The following ZC3H18 variants were observed in gnomAD, a reference collection of about 807,000 sequenced individuals.
The protein encoded by ZC3H18 is zinc finger CCCH domain-containing protein 18.
Under a neutral mutation model 106.1 loss-of-function variants are expected in ZC3H18, and 8 were observed. The ratio of observed to expected loss-of-function variants is 0.08; its 90% CI spans 0.04 to 0.14. The LOEUF (loss-of-function observed/expected upper bound fraction) is 0.14. Ranked by LOEUF, ZC3H18 falls within the 10% of genes least tolerant of loss-of-function variation. The pLI, the probability that ZC3H18 is intolerant of heterozygous loss-of-function variation, is 1.00. For synonymous variants in ZC3H18, 635 were observed against 522.1 expected (o/e 1.22, Z -2.95); for missense variants, 1,318 against 1,278.4 (o/e 1.03, Z -0.47).
At chr16:88,630,453 G>T (rs1368183825) in intron 16 of ZC3H18, 32 bp from the exon 17 acceptor site, 1 of 1,581,228 alleles carries the variant, frequency 6.3e-7, no homozygotes, top group East Asian at 2.3e-5. Context: ...TGTACATCAG[G>T]AGGGTGGTCT....
intron 8 of ZC3H18, among the ~76,000 whole-genome samples, chr16:88,616,871 G>T (rs1340902772): frequency 6.6e-6 from 1 of 152,154 alleles, no homozygotes; most frequent in East Asian, 1.9e-4. Flanking sequence ...GCCTTGCATG[G>T]GGGCTACACC....
chr16:88,604,747 T>C (rs1904928007), intron 6 of ZC3H18, among the ~76,000 whole-genome samples: 2 of 152,114 alleles, frequency 1.3e-5, no homozygotes, highest in Admixed American at 1.3e-4. Flanking sequence ...GCCCAGAATA[T>C]TCTACAAGTC....
At chr16:88,599,287 C>G (rs924730786) in intron 5 of ZC3H18, among the ~76,000 whole-genome samples, 2 of 152,256 alleles carry the variant, frequency 1.3e-5, no homozygotes, top group African/African-American at 4.8e-5. Context: ...CTTTCTGGTC[C>G]TATCACTGCA....
chr16:88,624,447 G>A (rs1567599061), intron 11 of ZC3H18, 155 bp from the exon 12 acceptor site: 6 of 1,217,948 alleles, frequency 4.9e-6, no homozygotes, highest in Non-Finnish European at 5.7e-6. Flanking sequence ...CTCTGACACC[G>A]ATGGGTGGGG....
chr16:88,603,091 A>G (rs1221636809), intron 6 of ZC3H18, among the ~76,000 whole-genome samples: 1 of 151,494 alleles, frequency 6.6e-6, no homozygotes, highest in Non-Finnish European at 1.5e-5. Context: ...CAGCCTCCCG[A>G]GTAGCTGGGA....
At chr16:88,603,963 C>A (rs1904883116) in intron 6 of ZC3H18, among the ~76,000 whole-genome samples, 2 of 152,076 alleles carry the variant, frequency 1.3e-5, no homozygotes, top group South Asian at 2.1e-4. Flanking sequence ...AATAATAATA[C>A]TTTGCTAGAC....
intron 3 of ZC3H18, among the ~76,000 whole-genome samples, chr16:88,587,216 A>G (rs986449501): frequency 1.3e-5 from 2 of 152,232 alleles, no homozygotes; most frequent in African/African-American, 2.4e-5. Flanking sequence ...AGCAGGGGAC[A>G]GTGTAAGAAA....
chr16:88,578,430 C>T (rs958861081), intron 2 of ZC3H18, among the ~76,000 whole-genome samples: 7 of 152,012 alleles, frequency 4.6e-5, no homozygotes, highest in African/African-American at 9.7e-5. Flanking sequence ...ATGAGTGTTT[C>T]GGGAGAAACA....
chr16:88,630,760 C>CCA (rs1906626124), intron 17 of ZC3H18, among the ~76,000 whole-genome samples, 179 bp downstream of exon 17: 1 of 108,388 alleles, frequency 9.2e-6, no homozygotes, highest in Non-Finnish European at 2.2e-5. Flanking sequence ...CCCCCCACCC[C>CCA]CCCCCACACA....
chr16:88,586,657 C>T lies in ZC3H18; in HGVS notation c.661C>T (p.Arg221Cys), dbSNP rs1409200391. 1.9e-6 allele frequency: 3 copies of T among 1,614,136 alleles called. No homozygotes were observed. The highest frequency in any genetic ancestry group is 1.7e-5 in the Admixed American group (1 of 60,030). The change falls in exon 3 of 18, where the codon CGT (arginine) becomes TGT (cysteine). Residue 221 changes from arginine (R) to cysteine (C), a missense_variant. Arg to Cys is a radical substitution (Grantham distance 180). Around this residue, in one of 6 missense-constraint regions of ZC3H18, gnomAD observed 30 missense variants for 63.3 expected, o/e 0.47. Transcript: ENST00000301011. ...CCCCAGTGACAGGAAGGTGAGGCCT[C>T]GTCCCACCTGCCGGTTCTTCATGAA... ...KDPSDRKVRP[R>C]PTCRFFMKGN...
intron 2 of ZC3H18, 129 bp from the exon 3 acceptor site, chr16:88,586,471 T>C (rs530473450): frequency 2.6e-6 from 2 of 772,176 alleles, no homozygotes; most frequent in African/African-American, 3.4e-5. Context: ...ATTTGGAAAA[T>C]TGACGTGAAT....
In ZC3H18 at chr16:88,630,479, AC is replaced by A. The variant is rs747532568; in HGVS notation, c.2567-3del. The A allele has an allele frequency of 1.2e-6, 2 of 1,612,432 alleles. No individual in the cohort carries two copies. ...AGGGTGGTCTCACTCTGTACCTATC[AC>A]CCAGGTTCTCGGGACCGGAAGTCAG... On this transcript the variant is annotated splice_region_variant and splice_polypyrimidine_tract_variant and intron_variant, in intron 16 of 17. Coordinates refer to ENST00000301011, the MANE Select transcript of ZC3H18 (RefSeq NM_144604.4).
intron 7 of ZC3H18, among the ~76,000 whole-genome samples, chr16:88,609,970 C>T (rs371789461): frequency 1.4e-4 from 22 of 152,208 alleles, no homozygotes; most frequent in Admixed American, 1.3e-4. Flanking sequence ...GCCTGCGTCT[C>T]CCTGCTCGGG....
intron 17 of ZC3H18, 99 bp downstream of exon 17, chr16:88,630,680 G>A: frequency 9.6e-7 from 1 of 1,037,474 alleles, no homozygotes; most frequent in Non-Finnish European, 1.4e-6. Context: ...ACTGGGCCAG[G>A]CTGGAGGCGT....
chr16:88,618,479 CT>C (rs922133263), intron 8 of ZC3H18, among the ~76,000 whole-genome samples: 1 of 152,206 alleles, frequency 6.6e-6, no homozygotes, highest in Non-Finnish European at 1.5e-5. Flanking sequence ...CGTTTTTATC[CT>C]TTTTCACCTT....
rs1255160176 is a variant in ZC3H18 at position 88,625,221 on chromosome 16, G to A, written c.2062G>A (p.Gly688Ser). The A allele has an allele frequency of 3.1e-6, 5 of 1,590,762 alleles. No individual in the cohort carries two copies. Among genetic ancestry groups the A allele is most frequent in the African/African-American group, 1.3e-5 (1 of 74,472 alleles). Reference protein sequence around the residue: ...PPRRRTLSGSGSGSGSSYSGS... With the variant: ...PPRRRTLSGSSSGSGSSYSGS... ...TTACAGGCGGACGCTAAGCGGCAGC[G>A]GCAGTGGCAGTGGTAGCAGCTATAG... Residue 688 changes from glycine to serine, a missense_variant, in exon 13 of 18, where the codon GGC becomes AGC. Physicochemically the swap from Gly to Ser is moderately conservative, Grantham distance 56 (BLOSUM62 0). Around this residue, in one of 6 missense-constraint regions of ZC3H18, gnomAD observed 848 missense variants for 821.7 expected, o/e 1.03. Transcript: ENST00000301011.
intron 12 of ZC3H18, among the ~76,000 whole-genome samples, 182 bp from the exon 13 acceptor site, chr16:88,625,020 G>A (rs1906214619): frequency 6.6e-6 from 1 of 152,230 alleles, no homozygotes; most frequent in Non-Finnish European, 1.5e-5. Context: ...CTGCCCCCGA[G>A]AGACTGTACT....
At chr16:88,624,426 G>T in intron 11 of ZC3H18, 176 bp from the exon 12 acceptor site, 1 of 1,045,062 alleles carries the variant, frequency 9.6e-7, no homozygotes, top group Non-Finnish European at 1.4e-6. Context: ...CTTTGAAGCC[G>T]TTCCCAAGCA....
intron 9 of ZC3H18, 151 bp from the exon 10 acceptor site, chr16:88,623,068 C>A: frequency 9.1e-7 from 1 of 1,100,522 alleles, no homozygotes; most frequent in Non-Finnish European, 1.3e-6. Context: ...TGCGTCTGTG[C>A]GCGCGTCTGC....
Sources: gnomAD v4.1 joint callset for allele counts (sites outside exome capture counted in the v4.1 genomes callset) on GRCh38, gnomAD v4.1.1 for gene constraint, gnomAD v4.1.1 regional missense constraint, MANE v1.5 for transcripts, NCBI Gene and HGNC (gene_info 2026-07-23, HGNC 2026-07-21) for gene names.